The following STXBP6 variants were observed in gnomAD, a reference collection of about 807,000 sequenced individuals.
The protein encoded by STXBP6 is syntaxin-binding protein 6.
STXBP6 carries 21 observed loss-of-function variants against 26.9 expected under a neutral mutation model. That is an observed-to-expected ratio of 0.78 (90% CI 0.55 to 1.12). The LOEUF is 1.12. Among genes scored for constraint, STXBP6 ranks in the 50% most tolerant of loss-of-function variants. The probability of loss-of-function intolerance (pLI) is 0.00; values close to 1 mark genes in which losing one functional copy is unlikely to be tolerated. For synonymous variants in STXBP6, 97 were observed against 92.6 expected (o/e 1.05, Z -0.27); for missense variants, 232 against 257.9 (o/e 0.90, Z 0.69).
chr14:24,888,833 A>G (rs975826913), intron 2 of STXBP6, among the ~76,000 whole-genome samples: 4 of 152,016 alleles, frequency 2.6e-5, no homozygotes, highest in African/African-American at 9.7e-5. Context: ...CCCTCTATGT[A>G]CCAGACACAG....
intron 2 of STXBP6, among the ~76,000 whole-genome samples, chr14:24,898,106 C>T (rs975820851): frequency 6.6e-6 from 1 of 152,138 alleles, no homozygotes; most frequent in Non-Finnish European, 1.5e-5. Context: ...TTGTTCAGAC[C>T]ACAGATGAGG....
Position 24,974,867 on chromosome 14 carries a change from AGAAAG to A in STXBP6, c.-32-22_-32-18del, listed in dbSNP as rs760527276. 6.0e-6 allele frequency: 9 copies of A among 1,501,760 alleles called. No individual in the cohort carries two copies. In the African/African-American group the frequency reaches 9.7e-5, roughly 16 times the overall value. The allele number at this position is 1,501,760 out of a possible 1,614,324, so 93.0% of individuals were successfully genotyped here. A position where few individuals can be genotyped will look rare whatever the true frequency, so the allele number is the denominator to read the frequency against. On this transcript the variant is annotated intron_variant, in intron 1 of 5. Coordinates refer to ENST00000323944, the MANE Select transcript of STXBP6 (RefSeq NM_001394410.1). ...GCAGTGAATCTTTTAAAGAAGGAAA[AGAAAG>A]GAAAGTTGGAATTGACAACATTGTA... is the stretch of plus-strand genomic sequence containing the variant.
intron 2 of STXBP6, among the ~76,000 whole-genome samples, chr14:24,901,651 C>T (rs1024792502): frequency 6.6e-6 from 1 of 152,002 alleles, no homozygotes; most frequent in African/African-American, 2.4e-5. Context: ...TTATGACATA[C>T]CCATACAACA....
intron 1 of STXBP6, among the ~76,000 whole-genome samples, chr14:25,006,161 C>A (rs992388512): frequency 1.3e-5 from 2 of 152,228 alleles, no homozygotes; most frequent in African/African-American, 4.8e-5. Flanking sequence ...TGTTCCTCTT[C>A]CTCACGCTGA....
chr14:24,894,963 T>C (rs1436066733), intron 2 of STXBP6, among the ~76,000 whole-genome samples: 1 of 152,162 alleles, frequency 6.6e-6, no homozygotes, highest in Non-Finnish European at 1.5e-5. Context: ...TTTTATGATA[T>C]TTGCCTTGAG....
chr14:24,878,507 C>T (rs2070230579), intron 2 of STXBP6: 1 of 154,450 alleles, frequency 6.5e-6, no homozygotes, highest in African/African-American at 2.4e-5. Context: ...ACCAAATTCT[C>T]CATACATTTT....
chr14:24,832,048 A>G (rs1365571378), intron 4 of STXBP6, among the ~76,000 whole-genome samples: 1 of 152,082 alleles, frequency 6.6e-6, no homozygotes, highest in Non-Finnish European at 1.5e-5. Context: ...AAAAAAATAT[A>G]TGGAAGCTGA....
chr14:25,000,791 G>A (rs149441613), intron 1 of STXBP6, among the ~76,000 whole-genome samples: 109 of 151,206 alleles, frequency 7.2e-4, no homozygotes, highest in Non-Finnish European at 1.3e-3. Flanking sequence ...TGCATGATCA[G>A]AGAGGCCAAG....
chr14:24,843,549 A>G (rs2068847233), intron 4 of STXBP6, among the ~76,000 whole-genome samples: 1 of 152,206 alleles, frequency 6.6e-6, no homozygotes, highest in Admixed American at 6.5e-5. Context: ...TATATGTTTT[A>G]TATATGATCT....
intron 5 of STXBP6, chr14:24,816,408 G>A (rs559262961): frequency 4.6e-5 from 7 of 152,162 alleles, no homozygotes; most frequent in African/African-American, 1.7e-4. Flanking sequence ...CTTATCTAAA[G>A]AGGTCAATCT....
chr14:24,944,470 GGAGA>G (rs1265873545), intron 2 of STXBP6, among the ~76,000 whole-genome samples: 2 of 152,176 alleles, frequency 1.3e-5, no homozygotes, highest in African/African-American at 4.8e-5. Flanking sequence ...AGGGGATATG[GGAGA>G]GAGTTTCCTT....
chr14:24,953,429 C>T (rs763330041), intron 2 of STXBP6, among the ~76,000 whole-genome samples: 31 of 152,182 alleles, frequency 2.0e-4, no homozygotes, highest in Non-Finnish European at 4.1e-4. Flanking sequence ...GCTGCAGTCA[C>T]ACTGGCCTTC....
intron 1 of STXBP6, among the ~76,000 whole-genome samples, chr14:25,019,166 T>C (rs1335559064): frequency 2.0e-5 from 3 of 152,224 alleles, no homozygotes; most frequent in Non-Finnish European, 4.4e-5. Context: ...AATTCAGTTA[T>C]AATGCTTATC....
At chr14:24,937,923 G>A (rs2072661961) in intron 2 of STXBP6, among the ~76,000 whole-genome samples, 1 of 152,192 alleles carries the variant, frequency 6.6e-6, no homozygotes, top group African/African-American at 2.4e-5. Flanking sequence ...GGTGGAAGGT[G>A]TTTCAAAACT....
intron 4 of STXBP6, among the ~76,000 whole-genome samples, chr14:24,834,696 T>C (rs181270152): frequency 1.3e-5 from 2 of 152,246 alleles, no homozygotes; most frequent in East Asian, 3.9e-4. Context: ...TAAATATTCT[T>C]GAAAAGATGA....
intron 1 of STXBP6, among the ~76,000 whole-genome samples, chr14:25,015,239 A>T (rs1273873290): frequency 6.6e-6 from 1 of 152,212 alleles, no homozygotes; most frequent in African/African-American, 2.4e-5. Context: ...ATCACATTTG[A>T]ACAACCTGGA....
intron 2 of STXBP6, among the ~76,000 whole-genome samples, chr14:24,973,136 C>A (rs1002967356): frequency 6.6e-6 from 1 of 152,080 alleles, no homozygotes; most frequent in African/African-American, 2.4e-5. Flanking sequence ...ACAAAACACA[C>A]TTGAATTTCA....
Position 24,974,922 on chromosome 14 carries a change from A to G in STXBP6, c.-32-72T>C, listed in dbSNP as rs528637172. The G allele has an allele frequency of 9.1e-6, 9 of 992,560 alleles. No homozygotes were observed. In the African/African-American group the frequency reaches 1.3e-4, roughly 14 times the overall value. The allele number at this position is 992,560 out of a possible 1,614,324, so 61.5% of individuals were successfully genotyped here. On this transcript the variant is annotated intron_variant, in intron 1 of 5. Transcript: ENST00000323944. ...AAGGGTTCATACAATAATCAGCAGC[A>G]AGTGAATTTGCAGGTGAAGTAATTT...
chr14:24,817,681 G>A (rs2068018334), intron 5 of STXBP6: 1 of 172,374 alleles, frequency 5.8e-6, no homozygotes, highest in African/African-American at 2.4e-5. Context: ...TGTCACAGAG[G>A]CTGGAGAAAG....
Sources: gnomAD v4.1 joint callset for allele counts (sites outside exome capture counted in the v4.1 genomes callset) on GRCh38, gnomAD v4.1.1 for gene constraint, MANE v1.5 for transcripts, NCBI Gene and HGNC (gene_info 2026-07-23, HGNC 2026-07-21) for gene names.